CA5A: variants seen among roughly 807,000 people sequenced by gnomAD.
CA5A encodes carbonic anhydrase 5A, mitochondrial.
CA5A carries 28 observed loss-of-function variants against 37.1 expected under a neutral mutation model. The ratio of observed to expected loss-of-function variants is 0.75; its 90% CI spans 0.56 to 1.03. The LOEUF is 1.03. Ranked by LOEUF, CA5A falls within the 50% of genes least tolerant of loss-of-function variation. CA5A has a pLI of 0.00. For synonymous variants in CA5A, 171 were observed against 158.4 expected (o/e 1.08, Z -0.60); for missense variants, 444 against 399.9 (o/e 1.11, Z -0.94).
intron 2 of CA5A, among the ~76,000 whole-genome samples, chr16:87,905,568 A>G (rs6540106): frequency 0.14 from 21,514 of 151,974 alleles, 2,287 homozygotes; most frequent in African/African-American, 0.3. Flanking sequence ...CATGTTAGCC[A>G]GGCTGGTCTC....
rs537388927 is a variant in CA5A at position 87,919,141 on chromosome 16, G to A, written c.340+7607C>T. 6.6e-5 allele frequency among the ~76,000 whole-genome samples: 10 copies of A among 152,274 alleles called. No homozygotes were observed. The South Asian group carries it at 1.2e-3, about 19-fold the overall frequency. On this transcript the variant is annotated intron_variant, in intron 2 of 6. Coordinates refer to ENST00000649794, the MANE Select transcript of CA5A (RefSeq NM_001739.2). ...CGGTGGGGAAGCCAAAAGTGGGGTCGGGACAAGGTCAGAGGCTGACGCTGG... is the reference window on the plus strand; with the variant it reads ...CGGTGGGGAAGCCAAAAGTGGGGTCAGGACAAGGTCAGAGGCTGACGCTGG...
intron 3 of CA5A, among the ~76,000 whole-genome samples, chr16:87,904,363 A>T (rs2055926592): frequency 6.6e-6 from 1 of 151,520 alleles, no homozygotes; most frequent in Non-Finnish European, 1.5e-5. Flanking sequence ...CCAAAAACCA[A>T]AAAACAAACA....
Position 87,891,817 on chromosome 16 carries a change from A to G in CA5A, c.756T>C (p.Val252=). 1.9e-6 allele frequency: 3 copies of G among 1,543,268 alleles called. No individual in the cohort carries two copies. The highest frequency in any genetic ancestry group is 2.6e-6 in the Non-Finnish European group (3 of 1,148,770). ...GGCTCACCTGGCTTGGGGCCACTTC[A>G]ACGGGCTCCTTCTGGATGATCCAGG... ...SVTWIIQKEP[V]EVAPSQLSAF... The change falls in exon 6 of 7, where the codon GTT becomes GTC. Residue 252 remains valine (V), a synonymous_variant. Coordinates refer to ENST00000649794, the MANE Select transcript of CA5A (RefSeq NM_001739.2).
intron 1 of CA5A, 128 bp downstream of exon 1, chr16:87,936,181 A>AAC: frequency 1.5e-6 from 1 of 645,208 alleles, no homozygotes; most frequent in South Asian, 2.0e-5. Flanking sequence ...TAAAAAAAAA[A>AAC]AAAAAAAAAC....
At chr16:87,920,065 C>T (rs2056209688) in intron 2 of CA5A, among the ~76,000 whole-genome samples, 1 of 152,154 alleles carries the variant, frequency 6.6e-6, no homozygotes, top group African/African-American at 2.4e-5. Flanking sequence ...CTGAAAGGTG[C>T]ACCAGCCCCA....
At chr16:87,907,691 A>G (rs1309864470) in intron 2 of CA5A, among the ~76,000 whole-genome samples, 5 of 152,048 alleles carry the variant, frequency 3.3e-5, no homozygotes, top group African/African-American at 1.2e-4. Flanking sequence ...TTGGGAGGCC[A>G]AGGTAGGCAG....
At chr16:87,932,877 G>T (rs2056426337) in intron 1 of CA5A, among the ~76,000 whole-genome samples, 1 of 152,178 alleles carries the variant, frequency 6.6e-6, no homozygotes, top group Non-Finnish European at 1.5e-5. Flanking sequence ...TTGTCACTAG[G>T]CTTGGCCACC....
At chr16:87,935,613 C>T (rs1445765119) in intron 1 of CA5A, among the ~76,000 whole-genome samples, 2 of 152,104 alleles carry the variant, frequency 1.3e-5, no homozygotes, top group Non-Finnish European at 2.9e-5. Context: ...CGGTGGCTCA[C>T]GCCTGTAATC....
chr16:87,936,316 A>T lies in CA5A; in HGVS notation c.135T>A (p.Asn45Lys), dbSNP rs77325391. Reference sequence around the variant, plus strand: ...ATTTGAGGCTCTACTTACAAGTGTTATTGCTGGTTTGCCATGCACAGGAAC... The same window carrying T: ...ATTTGAGGCTCTACTTACAAGTGTTTTTGCTGGTTTGCCATGCACAGGAAC... The part of the protein sequence containing the change: ...SQRSCAWQTS[N>K]NTLHPLWTVP... Residue 45 changes from asparagine (N) to lysine (K), a missense_variant, in exon 1 of 7, where the codon AAT (asparagine) becomes AAA (lysine). Transcript: ENST00000649794. 4.2e-3 allele frequency: 6,767 copies of T among 1,612,282 alleles called. 216 individuals are homozygous for T. The African/African-American group carries it at 0.076, about 18-fold the overall frequency.
intron 1 of CA5A, among the ~76,000 whole-genome samples, chr16:87,929,281 G>C (rs200454935): frequency 6.6e-6 from 1 of 150,884 alleles, no homozygotes; most frequent in Admixed American, 6.6e-5. Flanking sequence ...GTAAAACCCT[G>C]TCTCTACTAA....
chr16:87,907,070 T>C (rs548304884), intron 2 of CA5A, among the ~76,000 whole-genome samples: 1 of 152,050 alleles, frequency 6.6e-6, no homozygotes, highest in East Asian at 1.9e-4. Context: ...TACACAAAAT[T>C]AGCCAGGTGT....
At chr16:87,913,932 G>C (rs926487622) in intron 2 of CA5A, among the ~76,000 whole-genome samples, 2 of 152,216 alleles carry the variant, frequency 1.3e-5, no homozygotes, top group African/African-American at 2.4e-5. Flanking sequence ...ACGAGGAAGC[G>C]TAAGTGATGT....
chr16:87,910,581 T>G (rs1292986528), intron 2 of CA5A, among the ~76,000 whole-genome samples: 1 of 152,014 alleles, frequency 6.6e-6, no homozygotes, highest in Non-Finnish European at 1.5e-5. Flanking sequence ...AATCTCAAAG[T>G]GACTTCTTTT....
At chr16:87,935,492 C>T (rs1452804611) in intron 1 of CA5A, among the ~76,000 whole-genome samples, 3 of 152,316 alleles carry the variant, frequency 2.0e-5, no homozygotes, top group South Asian at 2.1e-4. Context: ...CGTGCGAACA[C>T]GGACTACCCG....
At chr16:87,898,487 A>C (rs1435600164) in intron 5 of CA5A, among the ~76,000 whole-genome samples, 2 of 152,206 alleles carry the variant, frequency 1.3e-5, no homozygotes, top group Admixed American at 1.3e-4. Flanking sequence ...CCAGAAGGTA[A>C]TAGCTCTCTC....
At chr16:87,915,456 G>C in intron 2 of CA5A, among the ~76,000 whole-genome samples, 1 of 151,768 alleles carries the variant, frequency 6.6e-6, no homozygotes, top group South Asian at 2.1e-4. Flanking sequence ...GGTGGTTTGA[G>C]CTCAGGAGAA....
In CA5A at chr16:87,893,125, C is replaced by CCTTTCTTTCTTTCTTT. The variant is rs555248928; in HGVS notation, c.619-1187_619-1172dup. ...GCCTAGAGACATTTCTTTCTTTCTT[C>CCTTTCTTTCTTTCTTT]CTTTCTTTCTTTCTTTCTTTCTTTT... On this transcript the variant is annotated intron_variant, in intron 5 of 6. Transcript: ENST00000649794. 18 of 523,264 alleles carry CCTTTCTTTCTTTCTTT rather than the reference C, an allele frequency of 3.4e-5. 1 individual carries two copies. The highest frequency in any genetic ancestry group is 3.3e-4 in the African/African-American group (16 of 49,154). The allele number at this position is 523,264 out of a possible 1,614,324, so 32.4% of individuals were successfully genotyped here. A position where few individuals can be genotyped will look rare whatever the true frequency, so the allele number is the denominator to read the frequency against.
chr16:87,890,451 G>C (rs2055696738), intron 6 of CA5A, among the ~76,000 whole-genome samples: 1 of 152,162 alleles, frequency 6.6e-6, no homozygotes, highest in South Asian at 2.1e-4. Flanking sequence ...CTCGGAAAGA[G>C]ATGAGCCAGA....
At chr16:87,883,140 C>A (rs1316444626), downstream of CA5A, 1 of 152,006 alleles carries the variant, frequency 6.6e-6, no homozygotes, top group African/African-American at 2.4e-5. Context: ...CCTGCCTCAG[C>A]CTCCACAGTA....
Sources: allele counts gnomAD v4.1 joint callset (sites outside exome capture counted in the v4.1 genomes callset), GRCh38; gene constraint gnomAD v4.1.1; transcripts MANE v1.5; gene names NCBI Gene and HGNC (gene_info 2026-07-23, HGNC 2026-07-21).